Variants in REDIC1 observed in about 807,000 individuals in gnomAD.
The protein encoded by REDIC1 is HEI10 Interacting Protein 1.
chr12:39,804,065 G>A, the REDIC1 span, among the ~76,000 whole-genome samples: 1 of 152,014 alleles, frequency 6.6e-6, no homozygotes, highest in African/African-American at 2.4e-5. Flanking sequence ...AAACTGGTGT[G>A]CATGTGTGTA....
At chr12:39,667,400 A>G in the REDIC1 span, among the ~76,000 whole-genome samples, 1 of 152,112 alleles carries the variant, frequency 6.6e-6, no homozygotes, top group African/African-American at 2.4e-5. Context: ...TTAATCCTGA[A>G]TTCTAGTTTG....
the REDIC1 span, among the ~76,000 whole-genome samples, chr12:39,666,689 C>T: frequency 6.6e-6 from 1 of 152,160 alleles, no homozygotes; most frequent in South Asian, 2.1e-4. Flanking sequence ...GTGAATCCAT[C>T]TGGTCCTGGA....
chr12:39,817,076 C>G, the REDIC1 span, among the ~76,000 whole-genome samples: 2 of 152,102 alleles, frequency 1.3e-5, no homozygotes, highest in Non-Finnish European at 2.9e-5. Context: ...CTGTATCCTT[C>G]TCTTTTCATA....
chr12:39,768,961 T>G, the REDIC1 span, among the ~76,000 whole-genome samples: 1 of 152,128 alleles, frequency 6.6e-6, no homozygotes, highest in East Asian at 1.9e-4. Context: ...TTCACTAGCC[T>G]CTAGAATCCA....
chr12:39,630,723 G>A, the REDIC1 span, among the ~76,000 whole-genome samples: 5 of 152,302 alleles, frequency 3.3e-5, no homozygotes, highest in Middle Eastern at 6.8e-3. Flanking sequence ...AAGAAGGTTC[G>A]ATGGAGAAAA....
the REDIC1 span, among the ~76,000 whole-genome samples, chr12:39,674,925 A>G: frequency 6.6e-6 from 1 of 152,192 alleles, no homozygotes; most frequent in Non-Finnish European, 1.5e-5. Context: ...GCGAATGGGA[A>G]ATGCAGATAT....
chr12:39,896,259 T>C, the REDIC1 span, among the ~76,000 whole-genome samples: 4 of 87,858 alleles, frequency 4.6e-5, no homozygotes, highest in South Asian at 3.4e-4. Context: ...CATGTATGTA[T>C]ATGTGTGTAT....
the REDIC1 span, among the ~76,000 whole-genome samples, chr12:39,648,906 G>A: frequency 3.3e-5 from 5 of 151,466 alleles, no homozygotes; most frequent in Non-Finnish European, 5.9e-5. Context: ...AGAAAATGAA[G>A]TATTACATTC....
chr12:39,893,978 G>A, the REDIC1 span, among the ~76,000 whole-genome samples: 1 of 152,118 alleles, frequency 6.6e-6, no homozygotes, highest in African/African-American at 2.4e-5. Flanking sequence ...CTGAAAAAAT[G>A]GTGAGATGTA....
the REDIC1 span, among the ~76,000 whole-genome samples, chr12:39,901,528 A>G: frequency 2.6e-4 from 35 of 134,168 alleles, no homozygotes; most frequent in Admixed American, 1.7e-3. Context: ...AAAAGTGGGC[A>G]AAGGACATGA....
the REDIC1 span, among the ~76,000 whole-genome samples, chr12:39,788,196 T>G: frequency 6.6e-6 from 1 of 152,122 alleles, no homozygotes; most frequent in East Asian, 1.9e-4. Flanking sequence ...GCTGTGTCAT[T>G]TTCCTACATT....
At chr12:39,710,498 A>C in the REDIC1 span, among the ~76,000 whole-genome samples, 5 of 151,726 alleles carry the variant, frequency 3.3e-5, no homozygotes, top group South Asian at 1.0e-3. Flanking sequence ...CTTCTCTTTA[A>C]TTCATCCTTA....
At chr12:39,867,596 C>T in the REDIC1 span, among the ~76,000 whole-genome samples, 1 of 152,090 alleles carries the variant, frequency 6.6e-6, no homozygotes, top group Non-Finnish European at 1.5e-5. Flanking sequence ...AAGGTCCAAC[C>T]AACCTAAAAA....
chr12:39,692,216 A>G, the REDIC1 span: 1 of 1,110,606 alleles, frequency 9.0e-7, no homozygotes, highest in Non-Finnish European at 1.2e-6. Flanking sequence ...GCCAACAAAT[A>G]TATATCATGG....
the REDIC1 span, chr12:39,682,652 T>G: frequency 4.4e-6 from 7 of 1,605,116 alleles, no homozygotes; most frequent in Non-Finnish European, 6.0e-6. Context: ...CCTGCTGTAA[T>G]TATGGATGAA....
chr12:39,782,575 A>C, the REDIC1 span, among the ~76,000 whole-genome samples: 12 of 152,176 alleles, frequency 7.9e-5, no homozygotes, highest in African/African-American at 2.9e-4. Flanking sequence ...TATCAGCAGC[A>C]TGAAAATGGA....
At chr12:39,736,757 C>T in the REDIC1 span, 1 of 152,206 alleles carries the variant, frequency 6.6e-6, no homozygotes, top group Non-Finnish European at 1.5e-5. Context: ...AGTCTAGCTA[C>T]CCTAAAGCCT....
At chr12:39,774,584 C>CTTTTTTTTTTTTTTTTTTTT in the REDIC1 span, among the ~76,000 whole-genome samples, 1 of 130,268 alleles carries the variant, frequency 7.7e-6, no homozygotes, top group Non-Finnish European at 1.7e-5. Context: ...ATTGTCCAGC[C>CTTTTTTTTTTTTTTTTTTTT]TTTTTTTTTT....
the REDIC1 span, among the ~76,000 whole-genome samples, chr12:39,829,049 T>C: frequency 2.8e-3 from 428 of 152,234 alleles, 1 homozygote; most frequent in Non-Finnish European, 4.9e-3. Flanking sequence ...ACAGATTTCA[T>C]TGCCTTTATC....
Sources: allele counts gnomAD v4.1 joint callset (sites outside exome capture counted in the v4.1 genomes callset), GRCh38; gene constraint gnomAD v4.1.1; transcripts MANE v1.5; gene names NCBI Gene and HGNC (gene_info 2026-07-23, HGNC 2026-07-21).